SLC4A9: variants seen among roughly 807,000 people sequenced by gnomAD.
The protein encoded by SLC4A9 is anion exchange protein 4.
SLC4A9 carries 102 observed loss-of-function variants against 103.2 expected under a neutral mutation model. That is an observed-to-expected ratio of 0.99 (90% CI 0.84 to 1.17). SLC4A9 has a LOEUF of 1.17. Among genes scored for constraint, SLC4A9 ranks in the 50% most tolerant of loss-of-function variants. SLC4A9 has a pLI of 0.00. For synonymous variants in SLC4A9, 453 were observed against 483.6 expected, an observed-to-expected ratio of 0.94 and a Z score of 0.83; for missense variants, 1,091 against 1,193.7, an observed-to-expected ratio of 0.91 and a Z score of 1.27.
rs781339669 is a variant in SLC4A9 at position 140,360,907 on chromosome 5, G to A, written c.326G>A (p.Arg109His). ...GCACTGCCCAGCCTCCAGAAGCTCC[G>A]CAGCCTGCTGGCCGAGGGCCTTGTA... Reference protein sequence around the residue: ...TLALPSLQKLRSLLAEGLVLL... With the variant: ...TLALPSLQKLHSLLAEGLVLL... Residue 109 changes from arginine to histidine, a missense_variant, in exon 2 of 22, where the codon CGC becomes CAC. Coordinates refer to ENST00000506757, the MANE Select transcript of SLC4A9 (RefSeq NM_031467.3). 13 of 1,607,520 alleles carry A rather than the reference G, an allele frequency of 8.1e-6. No homozygotes were observed. Among genetic ancestry groups the A allele is most frequent in the Non-Finnish European group, 1.0e-5 (12 of 1,177,538 alleles).
In SLC4A9 at chr5:140,372,753, G is replaced by T. The variant is rs772121704; in HGVS notation, c.2835G>T (p.Leu945=). Reference sequence around the variant, plus strand: ...GGATCTGTCTTCCACAGTCAGAGCTGATGTATCAGCCAAAGGCTCCAGAAA... The same window carrying T: ...GGATCTGTCTTCCACAGTCAGAGCTTATGTATCAGCCAAAGGCTCCAGAAA... ...FSGSDSEDSE[L]MYQPKAPEIN... Residue 945 remains leucine (L), a synonymous_variant, in exon 21 of 22, where the codon CTG becomes CTT. Transcript: ENST00000506757. The T allele has an allele frequency of 1.5e-5, 23 of 1,580,610 alleles. No individual in the cohort carries two copies. The highest frequency in any genetic ancestry group is 8.6e-7 in the Non-Finnish European group (1 of 1,162,560).
chr5:140,362,423 T>G, intron 5 of SLC4A9, 22 bp from the exon 6 acceptor site: 1 of 1,611,022 alleles, frequency 6.2e-7, no homozygotes, highest in Non-Finnish European at 8.5e-7. Context: ...TGTGAATCTC[T>G]GGGGCCTGGT....
intron 19 of SLC4A9, 71 bp downstream of exon 19, chr5:140,371,695 G>A: frequency 1.3e-6 from 2 of 1,540,548 alleles, no homozygotes; most frequent in Non-Finnish European, 1.8e-6. Flanking sequence ...GGGTGGCCAA[G>A]GCCTCCACGA....
At chr5:140,374,175 C>A (rs561651310) in intron 21 of SLC4A9, among the ~76,000 whole-genome samples, 1 of 146,810 alleles carries the variant, frequency 6.8e-6, no homozygotes, top group Non-Finnish European at 1.5e-5. Context: ...GGCGACGGAG[C>A]GAGACTCCGT....
Position 140,371,634 on chromosome 5 carries a change from G to A in SLC4A9, c.2670+10G>A. On this transcript the variant is annotated intron_variant, in intron 19 of 21. Coordinates refer to ENST00000506757, the MANE Select transcript of SLC4A9 (RefSeq NM_031467.3). ...CATCTTCCCCCTCATGGTAAGCTGA[G>A]GCAGGGTTGGGCTGTGTCCTGGAGG... 1 of 1,613,974 alleles carries A rather than the reference G, an allele frequency of 6.2e-7. No individual in the cohort carries two copies.
In SLC4A9 at chr5:140,364,566, C is replaced by G; in HGVS notation, c.1592C>G (p.Pro531Arg). 1 of 1,604,200 alleles carries G rather than the reference C, an allele frequency of 6.2e-7. No individual in the cohort carries two copies. Among genetic ancestry groups the G allele is most frequent in the Non-Finnish European group, 8.5e-7 (1 of 1,175,208 alleles). Reference protein sequence around the residue: ...GKMLNLTHTYPIQKPGSSAYG... With the variant: ...GKMLNLTHTYRIQKPGSSAYG... ...ATGCTGAACTTGACCCATACCTATCCTATCCAGAAGCCTGGGTCCTCTGCC... is the reference window on the plus strand; with the variant it reads ...ATGCTGAACTTGACCCATACCTATCGTATCCAGAAGCCTGGGTCCTCTGCC... Residue 531 changes from proline to arginine, a missense_variant, in exon 11 of 22, where the codon CCT (proline) becomes CGT (arginine). Coordinates refer to ENST00000506757, the MANE Select transcript of SLC4A9 (RefSeq NM_031467.3).
chr5:140,360,701 A>C, intron 1 of SLC4A9, 111 bp from the exon 2 acceptor site: 1 of 1,531,066 alleles, frequency 6.5e-7, no homozygotes, highest in Non-Finnish European at 8.9e-7. Context: ...ACTTCACACC[A>C]CTGGGCCCAG....
chr5:140,361,493 A>C, intron 3 of SLC4A9, 126 bp downstream of exon 3: 1 of 746,640 alleles, frequency 1.3e-6, no homozygotes, highest in African/African-American at 1.8e-5. Flanking sequence ...ACTCATGAGC[A>C]AGAGGAAACT....
intron 15 of SLC4A9, 41 bp downstream of exon 15, chr5:140,367,622 G>T (rs1335272382): frequency 6.3e-7 from 1 of 1,598,588 alleles, no homozygotes; most frequent in Middle Eastern, 1.7e-4. Context: ...AGGGACAGAA[G>T]CTCCAGGGGA....
chr5:140,373,109 T>C (rs1469198936), intron 21 of SLC4A9, among the ~76,000 whole-genome samples: 1 of 152,046 alleles, frequency 6.6e-6, no homozygotes, highest in Non-Finnish European at 1.5e-5. Flanking sequence ...AAATGGGTGT[T>C]GTGGGGGGCG....
chr5:140,369,903 A>T (rs1424213046), intron 17 of SLC4A9, among the ~76,000 whole-genome samples: 1 of 150,868 alleles, frequency 6.6e-6, no homozygotes, highest in Non-Finnish European at 1.5e-5. Context: ...TTGGGAGGCT[A>T]AGGTGGGAGC....
chr5:140,365,382 G>T (rs1767723934), intron 11 of SLC4A9, 138 bp from the exon 12 acceptor site: 1 of 689,334 alleles, frequency 1.5e-6, no homozygotes. Flanking sequence ...CGCACACTTG[G>T]TAGTGATAGA....
At position 140,368,660 on chromosome 5, in the gene SLC4A9, G is replaced by T; in HGVS notation, c.2427+1G>T. ...CATCTTCCTGGCACCTGTGCTCAAG[G>T]TACCTTTGTTATACAAGCCAGGATC... On this transcript the variant is annotated splice_donor_variant, in intron 17 of 21. Transcript: ENST00000506757. LOFTEE classifies it high-confidence loss of function. 6.2e-7 allele frequency: 1 copy of T among 1,612,880 alleles called. No homozygotes were observed.
rs1384696857 is a variant in SLC4A9 at position 140,367,451 on chromosome 5, C to A, written c.2045C>A (p.Ser682Ter). ...CTCCCTGGGCGTGGCTGGCTGGTGT[C>A]ACCTTTTGGAGCCAACCCCTGGTGG... ...PTLPGRGWLV[S>*]PFGANPWWWS... Residue 682 changes from serine (S) to a stop codon, truncating the protein, a stop_gained, in exon 15 of 22, where the codon TCA becomes TAA. Coordinates refer to ENST00000506757, the MANE Select transcript of SLC4A9 (RefSeq NM_031467.3). LOFTEE classifies it high-confidence loss of function. 1.2e-6 allele frequency: 2 copies of A among 1,610,982 alleles called. No individual in the cohort carries two copies. Among genetic ancestry groups the A allele is most frequent in the Admixed American group, 3.4e-5 (2 of 59,596 alleles).
At position 140,364,337 on chromosome 5, in the gene SLC4A9, A is replaced by G. The variant is rs781169537; in HGVS notation, c.1389-26A>G. On this transcript the variant is annotated intron_variant, in intron 10 of 21. Coordinates refer to ENST00000506757, the MANE Select transcript of SLC4A9 (RefSeq NM_031467.3). ...GGGAAGCAGACAGCCCTGCTAAGCC[A>G]GCCTTCCTGTCTCTCATCCCCACAG... The G allele has an allele frequency of 3.1e-6, 5 of 1,610,862 alleles. No homozygotes were observed. In the African/African-American group the frequency reaches 6.7e-5, roughly 22 times the overall value.
At chr5:140,366,648 G>T (rs1415945250) in intron 14 of SLC4A9, among the ~76,000 whole-genome samples, 1 of 152,198 alleles carries the variant, frequency 6.6e-6, no homozygotes, top group African/African-American at 2.4e-5. Flanking sequence ...CTACCCCGTA[G>T]ATTGTTTTGA....
chr5:140,368,304 G>A (rs1475916297), intron 16 of SLC4A9, among the ~76,000 whole-genome samples: 2 of 152,196 alleles, frequency 1.3e-5, no homozygotes, highest in South Asian at 2.1e-4. Flanking sequence ...AGTCTTTATG[G>A]CAGTGTAAAC....
intron 19 of SLC4A9, 72 bp downstream of exon 19, chr5:140,371,696 G>A (rs1768752974): frequency 5.2e-6 from 8 of 1,527,898 alleles, no homozygotes; most frequent in Non-Finnish European, 7.2e-6. Context: ...GGTGGCCAAG[G>A]CCTCCACGAG....
At position 140,363,847 on chromosome 5, in the gene SLC4A9, T is replaced by G; in HGVS notation, c.1199T>G (p.Val400Gly). The change falls in exon 9 of 22, where the codon GTC (valine) becomes GGC (glycine). Residue 400 changes from valine (V) to glycine (G), a missense_variant. Physicochemically the swap from Val to Gly is moderately radical, Grantham distance 109. Transcript: ENST00000506757. The surrounding 1 kb of genome is among the most constrained non-coding windows in gnomAD (Gnocchi z 4.5). ...SAVLYIYLAT[V>G]TNAITFGGLL... Reference sequence around the variant, plus strand: ...GTACTCTACATTTACCTGGCCACTGTCACTAATGCCATCACTTTTGGGGGT... The same window carrying G: ...GTACTCTACATTTACCTGGCCACTGGCACTAATGCCATCACTTTTGGGGGT... The G allele has an allele frequency of 1.2e-6, 2 of 1,614,002 alleles. No individual in the cohort carries two copies. The highest frequency in any genetic ancestry group is 1.7e-6 in the Non-Finnish European group (2 of 1,179,872).
Sources: gnomAD v4.1 joint callset for allele counts (sites outside exome capture counted in the v4.1 genomes callset) on GRCh38, gnomAD v4.1.1 for gene constraint, Gnocchi (gnomAD v3.1) non-coding constraint, MANE v1.5 for transcripts, NCBI Gene and HGNC (gene_info 2026-07-23, HGNC 2026-07-21) for gene names.